PLXDC1: variants seen among roughly 807,000 people sequenced by gnomAD.
The protein encoded by PLXDC1 is plexin domain containing 1.
PLXDC1 carries 39 observed loss-of-function variants against 61.3 expected under a neutral mutation model. The observed-to-expected ratio is 0.64, with a 90% CI of 0.49 to 0.83. The LOEUF (loss-of-function observed/expected upper bound fraction) is 0.83, where lower values mean the gene tolerates loss of function less well. PLXDC1 is among the 40% of genes least tolerant of loss of function. The pLI is 0.00. For missense variants in PLXDC1, 596 were observed against 666.5 expected (o/e 0.89, Z 1.17); for synonymous variants, 212 against 254.5 (o/e 0.83, Z 1.59).
At chr17:39,150,972 G>C (rs12948528) in intron 1 of PLXDC1, among the ~76,000 whole-genome samples, 2 of 152,314 alleles carry the variant, frequency 1.3e-5, no homozygotes, top group East Asian at 3.9e-4. Context: ...AGGAAAAGAA[G>C]GCATGGCTGG....
At position 39,108,224 on chromosome 17, in the gene PLXDC1, A is replaced by T. The variant is rs772437820; in HGVS notation, c.491T>A (p.Val164Glu). ...ATGGFIFMGDVIHRMLTATQY... is the reference protein window; with the variant it reads ...ATGGFIFMGDEIHRMLTATQY... ...AGTAGCTGTGAGCATCCGATGGATC[A>T]CGTCCCCCATGAAGATGAAGCCTAG... Residue 164 changes from valine to glutamate, a missense_variant, in exon 5 of 14, where the codon GTG becomes GAG. Transcript: ENST00000315392. The T allele has an allele frequency of 2.5e-6, 4 of 1,614,098 alleles. 1 individual carries two copies. In the South Asian group the frequency reaches 4.4e-5, roughly 18 times the overall value.
chr17:39,114,402 A>G (rs1251072569), intron 2 of PLXDC1, among the ~76,000 whole-genome samples: 1 of 152,202 alleles, frequency 6.6e-6, no homozygotes, highest in Non-Finnish European at 1.5e-5. Flanking sequence ...GCCTCAGCTC[A>G]GGAGTCACTT....
Position 39,108,226 on chromosome 17 carries a change from G to A in PLXDC1, c.489C>T (p.Asp163=), listed in dbSNP as rs549849515. The A allele has an allele frequency of 7.4e-5, 119 of 1,614,052 alleles. No individual in the cohort carries two copies. In the South Asian group the frequency reaches 9.8e-4, roughly 13 times the overall value. Residue 163 remains aspartate, a synonymous_variant, in exon 5 of 14, where the codon GAC becomes GAT. Coordinates refer to ENST00000315392, the MANE Select transcript of PLXDC1 (RefSeq NM_020405.5). ...IATGGFIFMG[D]VIHRMLTATQ... ...TAGCTGTGAGCATCCGATGGATCACGTCCCCCATGAAGATGAAGCCTAGGG... is the reference window on the plus strand; with the variant it reads ...TAGCTGTGAGCATCCGATGGATCACATCCCCCATGAAGATGAAGCCTAGGG...
chr17:39,107,202 G>A (rs1365559130), intron 6 of PLXDC1, among the ~76,000 whole-genome samples: 1 of 152,168 alleles, frequency 6.6e-6, no homozygotes, highest in Non-Finnish European at 1.5e-5. Context: ...TTGTCACAGT[G>A]GTGATTCTAC....
chr17:39,082,307 T>C (rs1008162012), intron 9 of PLXDC1, among the ~76,000 whole-genome samples: 1 of 152,158 alleles, frequency 6.6e-6, no homozygotes, highest in Non-Finnish European at 1.5e-5. Flanking sequence ...GGCTCACGCC[T>C]TTGGGAAGGC....
chr17:39,072,414 G>A, intron 12 of PLXDC1, 36 bp downstream of exon 12: 3 of 1,497,512 alleles, frequency 2.0e-6, no homozygotes, highest in East Asian at 2.4e-5. Context: ...AAGAGGCGCT[G>A]GGTCTGACGC....
Position 39,151,306 on chromosome 17 carries a change from G to T in PLXDC1, c.76+56C>A. 8.2e-7 allele frequency: 1 copy of T among 1,222,778 alleles called. No homozygotes were observed. The highest frequency in any genetic ancestry group is 1.0e-6 in the Non-Finnish European group (1 of 968,478). 75.7% of individuals were successfully genotyped at this position (1,222,778 alleles called of 1,614,324 possible). A position where few individuals can be genotyped will look rare whatever the true frequency, so the allele number is the denominator to read the frequency against. Reference sequence around the variant, plus strand: ...TCCACACCTGCCCATGCCCACACCTGACTGCCCGTCCCTCCCCGCCCCCGG... The same window carrying T: ...TCCACACCTGCCCATGCCCACACCTTACTGCCCGTCCCTCCCCGCCCCCGG... On this transcript the variant is annotated intron_variant, in intron 1 of 13. Transcript: ENST00000315392. The surrounding 1 kb of genome is among the most constrained non-coding windows in gnomAD (Gnocchi z 5.2).
intron 11 of PLXDC1, among the ~76,000 whole-genome samples, chr17:39,073,796 T>C (rs574321073): frequency 3.0e-4 from 46 of 152,392 alleles, no homozygotes; most frequent in African/African-American, 1.1e-3. Flanking sequence ...GCTTATAAGA[T>C]AAGCCCTTCT....
At chr17:39,079,278 G>A (rs1909462788) in intron 9 of PLXDC1, 114 bp from the exon 10 acceptor site, 1 of 856,740 alleles carries the variant, frequency 1.2e-6, no homozygotes, top group Non-Finnish European at 2.0e-6. Context: ...AAGGTCCCCA[G>A]GCTGAGGTAG....
rs924201747 is a variant in PLXDC1, at chr17:39,066,741, C to A, written c.*1099G>T. ...GCTGGGATACAGGCAAGCGTCACCA[C>A]ACCCAGCTAATTTTTTGTATTTTTA... On this transcript the variant is annotated 3_prime_UTR_variant, in exon 14 of 14. Transcript: ENST00000315392. 1 of 152,198 alleles carries A rather than the reference C, an allele frequency of 6.6e-6. No individual in the cohort carries two copies. Among genetic ancestry groups the A allele is most frequent in the African/African-American group, 2.4e-5 (1 of 41,436 alleles). 9.4% of individuals were successfully genotyped at this position (152,198 alleles called of 1,614,324 possible).
chr17:39,108,518 CT>C (rs1910677151), intron 4 of PLXDC1, among the ~76,000 whole-genome samples: 1 of 152,270 alleles, frequency 6.6e-6, no homozygotes, highest in Admixed American at 6.5e-5. Context: ...TTCCCCATCC[CT>C]GGGGAAGTGG....
intron 1 of PLXDC1, among the ~76,000 whole-genome samples, chr17:39,144,522 G>A (rs1831989418): frequency 6.6e-6 from 1 of 152,188 alleles, no homozygotes; most frequent in African/African-American, 2.4e-5. Context: ...GGGACAGGAC[G>A]TCATCCCCAC....
chr17:39,078,091 C>A, intron 10 of PLXDC1, 43 bp from the exon 11 acceptor site: 1 of 1,509,512 alleles, frequency 6.6e-7, no homozygotes, highest in East Asian at 2.5e-5. Flanking sequence ...GCATTTACAC[C>A]TTTCCCTTCA....
chr17:39,100,857 G>A lies in PLXDC1; in HGVS notation c.811+4997C>T, dbSNP rs542662020. Among the ~76,000 whole-genome samples, 5 of 152,360 alleles carry A rather than the reference G, an allele frequency of 3.3e-5. No homozygotes were observed. In the East Asian group the frequency reaches 9.6e-4, roughly 29 times the overall value. On this transcript the variant is annotated intron_variant, in intron 7 of 13. Transcript: ENST00000315392. ...ACTTGATAGAGGACTGGGAGCGCAG[G>A]GGGCTAAGGGGAGGGCAGGAGGGGT...
chr17:39,094,740 C>G (rs554949418), intron 7 of PLXDC1, among the ~76,000 whole-genome samples: 41 of 152,300 alleles, frequency 2.7e-4, no homozygotes, highest in African/African-American at 8.9e-4. Context: ...AAAACCTCAG[C>G]AACTTATAAC....
At chr17:39,128,115 GTA>G (rs1274872433) in intron 2 of PLXDC1, among the ~76,000 whole-genome samples, 389 of 34,540 alleles carry the variant, frequency 0.011, 38 homozygotes, top group African/African-American at 0.031. Flanking sequence ...ATATATATAT[GTA>G]TATATATATG....
At chr17:39,126,169 G>A (rs1037491827) in intron 2 of PLXDC1, among the ~76,000 whole-genome samples, 4 of 152,052 alleles carry the variant, frequency 2.6e-5, no homozygotes, top group Non-Finnish European at 4.4e-5. Flanking sequence ...CAGGAGAATC[G>A]CTTGAACCCA....
rs932078405 is a variant in PLXDC1, at chr17:39,101,860, G to A, written c.811+3994C>T. 4.6e-5 allele frequency among the ~76,000 whole-genome samples: 7 copies of A among 152,244 alleles called. No homozygotes were observed. In the Middle Eastern group the frequency reaches 0.01, roughly 222 times the overall value. ...ATATCATGCAGTGTTGCGTGGGAAG[G>A]GTGTCTAGCGGCTGGCCCTACCGAG... On this transcript the variant is annotated intron_variant, in intron 7 of 13. Coordinates refer to ENST00000315392, the MANE Select transcript of PLXDC1 (RefSeq NM_020405.5).
intron 7 of PLXDC1, among the ~76,000 whole-genome samples, chr17:39,098,973 A>G (rs1175761555): frequency 6.6e-6 from 1 of 152,144 alleles, no homozygotes; most frequent in Non-Finnish European, 1.5e-5. Context: ...ACCTGTGGGC[A>G]GCAAGGAGTC....
Sources: gnomAD v4.1 joint callset for allele counts (sites outside exome capture counted in the v4.1 genomes callset) on GRCh38, gnomAD v4.1.1 for gene constraint, Gnocchi (gnomAD v3.1) non-coding constraint, MANE v1.5 for transcripts, NCBI Gene and HGNC (gene_info 2026-07-23, HGNC 2026-07-21) for gene names.